Variants in FBXW8 observed in about 807,000 individuals in gnomAD.
The protein encoded by FBXW8 is F-box and WD repeat domain containing 8, also known as F-box/WD repeat-containing protein 8.
Under a neutral mutation model 65.3 loss-of-function variants are expected in FBXW8, and 57 were observed. That is an observed-to-expected ratio of 0.87 (90% confidence interval 0.71 to 1.09). The LOEUF (loss-of-function observed/expected upper bound fraction) is 1.09, where lower values mean the gene tolerates loss of function less well. Among genes scored for constraint, FBXW8 ranks in the 50% least tolerant of loss-of-function variants. The pLI, the probability that FBXW8 is intolerant of heterozygous loss-of-function variation, is 0.00. For synonymous variants in FBXW8, 308 were observed against 330.2 expected, an observed-to-expected ratio of 0.93 and a Z score of 0.73; for missense variants, 777 against 814.8, an observed-to-expected ratio of 0.95 and a Z score of 0.57.
intron 5 of FBXW8, among the ~76,000 whole-genome samples, chr12:116,973,610 A>C (rs1003862232): frequency 1.7e-4 from 26 of 152,254 alleles, no homozygotes; most frequent in Non-Finnish European, 2.9e-4. Context: ...ATATCACACA[A>C]GCCCAAACTG....
chr12:117,003,982 G>C (rs1953610262), intron 7 of FBXW8, among the ~76,000 whole-genome samples: 1 of 152,060 alleles, frequency 6.6e-6, no homozygotes, highest in South Asian at 2.1e-4. Flanking sequence ...GAGAATTCTT[G>C]GCCCTTATCT....
At chr12:116,957,814 T>C (rs1883746164) in intron 4 of FBXW8, among the ~76,000 whole-genome samples, 1 of 152,252 alleles carries the variant, frequency 6.6e-6, no homozygotes, top group Non-Finnish European at 1.5e-5. Flanking sequence ...TTTAAATTTA[T>C]TTATTTTCTG....
At chr12:116,914,189 C>T (rs889879750) in intron 1 of FBXW8, among the ~76,000 whole-genome samples, 1 of 151,796 alleles carries the variant, frequency 6.6e-6, no homozygotes, top group African/African-American at 2.4e-5. Flanking sequence ...GGGAGGATCG[C>T]TTGAACCCAG....
At chr12:117,025,206 C>T (rs2135727670) in intron 9 of FBXW8, among the ~76,000 whole-genome samples, 1 of 152,304 alleles carries the variant, frequency 6.6e-6, no homozygotes, top group Middle Eastern at 3.4e-3. Flanking sequence ...AGACATTCGG[C>T]CAGACACGTG....
intron 5 of FBXW8, among the ~76,000 whole-genome samples, chr12:116,970,381 C>T (rs1230340860): frequency 6.6e-6 from 1 of 152,174 alleles, no homozygotes; most frequent in Non-Finnish European, 1.5e-5. Flanking sequence ...TATCCACCTC[C>T]GCAACACTCC....
At chr12:116,941,951 T>A (rs1882596861) in intron 2 of FBXW8, among the ~76,000 whole-genome samples, 1 of 152,188 alleles carries the variant, frequency 6.6e-6, no homozygotes, top group Admixed American at 6.5e-5. Context: ...CTTCATTTGG[T>A]GTATGTTGGT....
intron 8 of FBXW8, among the ~76,000 whole-genome samples, chr12:117,022,353 A>T (rs1954118308): frequency 6.8e-6 from 1 of 147,352 alleles, no homozygotes; most frequent in African/African-American, 2.6e-5. Flanking sequence ...TAAAGAAACT[A>T]TTAAAAAAAA....
chr12:116,935,492 C>T (rs930040604), intron 2 of FBXW8, among the ~76,000 whole-genome samples: 7 of 152,298 alleles, frequency 4.6e-5, no homozygotes, highest in East Asian at 3.9e-4. Context: ...TCACCCTTGC[C>T]GCCAGACTTC....
At chr12:116,937,749 T>A (rs1882267558) in intron 2 of FBXW8, among the ~76,000 whole-genome samples, 1 of 151,948 alleles carries the variant, frequency 6.6e-6, no homozygotes, top group African/African-American at 2.4e-5. Context: ...ACAGTAGACT[T>A]GATGTGTGAA....
rs1189077939 is a variant in FBXW8 at position 117,024,330 on chromosome 12, A to G, written c.1541+10A>G. The G allele has an allele frequency of 6.2e-7, 1 of 1,613,910 alleles. No homozygotes were observed. The highest frequency in any genetic ancestry group is 2.2e-5 in the East Asian group (1 of 44,884). ...GGGAGGTGTATTCCGGGTAAGGTGC[A>G]TTCTAGACACTCTTGGGAGTTCCTA... On this transcript the variant is annotated intron_variant, in intron 9 of 10. Coordinates refer to ENST00000652555, the MANE Select transcript of FBXW8 (RefSeq NM_153348.3).
At chr12:116,917,334 C>G (rs751993190) in intron 1 of FBXW8, among the ~76,000 whole-genome samples, 10 of 152,176 alleles carry the variant, frequency 6.6e-5, no homozygotes, top group Non-Finnish European at 1.3e-4. Flanking sequence ...AGAATCCTTG[C>G]TTGATCCATG....
intron 6 of FBXW8, 70 bp downstream of exon 6, chr12:116,985,472 A>G (rs2135669968): frequency 6.8e-7 from 1 of 1,469,792 alleles, no homozygotes; most frequent in Non-Finnish European, 9.3e-7. Context: ...AGCACGTACT[A>G]ATGGTGTTGG....
At position 116,961,245 on chromosome 12, in the gene FBXW8, G is replaced by T. The variant is rs901568564; in HGVS notation, c.678-3452G>T. Among the ~76,000 whole-genome samples the T allele has an allele frequency of 1.3e-5, 2 of 152,096 alleles. No homozygotes were observed. The highest frequency in any genetic ancestry group is 2.9e-5 in the Non-Finnish European group (2 of 68,010). The stretch of plus-strand genomic sequence containing the variant: ...TCCTGACCTCAGGTGATCTGCCCCT[G>T]CCCTCAGCCTCCCAAAGTGCTGGGA... On this transcript the variant is annotated intron_variant, in intron 4 of 10. Transcript: ENST00000652555. The surrounding 1 kb of genome is among the most constrained non-coding windows in gnomAD (Gnocchi z 4.4).
At chr12:117,006,085 G>C (rs1953668961) in intron 7 of FBXW8, among the ~76,000 whole-genome samples, 1 of 152,234 alleles carries the variant, frequency 6.6e-6, no homozygotes, top group South Asian at 2.1e-4. Context: ...TCTCTGGACA[G>C]ACAGTGCTGG....
intron 8 of FBXW8, among the ~76,000 whole-genome samples, chr12:117,011,066 AC>A (rs1306317313): frequency 6.8e-6 from 1 of 146,042 alleles, no homozygotes; most frequent in Non-Finnish European, 1.5e-5. Context: ...GTTTGAAAAG[AC>A]CCTTTGAGTC....
intron 8 of FBXW8, among the ~76,000 whole-genome samples, chr12:117,015,154 CA>C (rs750426891): frequency 1.3e-5 from 2 of 152,164 alleles, no homozygotes; most frequent in South Asian, 4.1e-4. Context: ...CTTGCACCAC[CA>C]CACAGTTCTG....
intron 1 of FBXW8, among the ~76,000 whole-genome samples, chr12:116,923,837 A>G (rs149221566): frequency 0.01 from 1,547 of 151,338 alleles, 23 homozygotes; most frequent in African/African-American, 0.036. Flanking sequence ...TCTTCTACTT[A>G]AGCCTCCTGA....
At chr12:117,016,530 A>G (rs1356985045) in intron 8 of FBXW8, among the ~76,000 whole-genome samples, 2 of 151,994 alleles carry the variant, frequency 1.3e-5, no homozygotes, top group African/African-American at 4.8e-5. Flanking sequence ...CTCTCATCAG[A>G]TATGTGATTT....
intron 7 of FBXW8, among the ~76,000 whole-genome samples, chr12:116,994,100 C>T (rs527567622): frequency 5.6e-4 from 85 of 152,318 alleles, no homozygotes; most frequent in African/African-American, 2.0e-3. Flanking sequence ...CATCCCATTA[C>T]CTGACTTCAA....
Sources: gnomAD v4.1 joint callset for allele counts (sites outside exome capture counted in the v4.1 genomes callset) on GRCh38, gnomAD v4.1.1 for gene constraint, Gnocchi (gnomAD v3.1) non-coding constraint, MANE v1.5 for transcripts, NCBI Gene and HGNC (gene_info 2026-07-23, HGNC 2026-07-21) for gene names.